The following NDRG3 variants were observed in gnomAD, a reference collection of about 807,000 sequenced individuals.
NDRG3 encodes protein NDRG3.
A neutral mutation model predicts 57.2 loss-of-function variants in NDRG3; 23 were observed. That is an observed-to-expected ratio of 0.40 (90% CI 0.29 to 0.57). The LOEUF (loss-of-function observed/expected upper bound fraction) is 0.57, where lower values mean the gene tolerates loss of function less well. Among genes scored for constraint, NDRG3 ranks in the 20% least tolerant of loss-of-function variants. NDRG3 has a pLI of 0.42. For missense variants in NDRG3, 384 were observed against 457.3 expected (o/e 0.84, Z 1.46); for synonymous variants, 132 against 162.6 (o/e 0.81, Z 1.43).
chr20:36,722,466 T>C (rs915855094), intron 1 of NDRG3, among the ~76,000 whole-genome samples: 2 of 152,218 alleles, frequency 1.3e-5, no homozygotes, highest in African/African-American at 4.8e-5. Context: ...ATTAATACAA[T>C]TAATACAATA....
intron 1 of NDRG3, among the ~76,000 whole-genome samples, chr20:36,744,971 G>T (rs906971157): frequency 1.5e-4 from 22 of 151,322 alleles, no homozygotes; most frequent in African/African-American, 4.6e-4. Flanking sequence ...AGGGTAAGGG[G>T]GGGGGGGGGC....
chr20:36,684,083 C>T (rs1981567856), intron 6 of NDRG3, among the ~76,000 whole-genome samples: 1 of 152,190 alleles, frequency 6.6e-6, no homozygotes, highest in South Asian at 2.1e-4. Flanking sequence ...TAGCCTTGAA[C>T]TGCTGTTGTT....
intron 8 of NDRG3, among the ~76,000 whole-genome samples, chr20:36,680,259 G>A (rs2148089802): frequency 6.6e-6 from 1 of 151,906 alleles, no homozygotes; most frequent in African/African-American, 2.4e-5. Flanking sequence ...GGCCGAGGCG[G>A]GTGGATCACA....
intron 3 of NDRG3, 70 bp from the exon 4 acceptor site, chr20:36,688,854 A>T: frequency 9.6e-7 from 1 of 1,040,052 alleles, no homozygotes; most frequent in East Asian, 2.4e-5. Context: ...GTTTCACAAT[A>T]CCTGCTTTAC....
At chr20:36,689,791 G>C (rs2148124033) in intron 3 of NDRG3, among the ~76,000 whole-genome samples, 1 of 150,140 alleles carries the variant, frequency 6.7e-6, no homozygotes, top group South Asian at 2.1e-4. Context: ...CGCGATCTCG[G>C]CTCACTGCAA....
intron 1 of NDRG3, among the ~76,000 whole-genome samples, chr20:36,742,727 T>G (rs1198781761): frequency 1.3e-5 from 2 of 152,206 alleles, no homozygotes; most frequent in African/African-American, 4.8e-5. Flanking sequence ...TTAGTACAGT[T>G]AAAGACAATG....
intron 2 of NDRG3, among the ~76,000 whole-genome samples, chr20:36,712,589 T>TATA (rs1600940687): frequency 2.5e-4 from 5 of 19,864 alleles, no homozygotes; most frequent in South Asian, 1.9e-3. Flanking sequence ...ATATATATAT[T>TATA]TTTTTTTTTT....
chr20:36,745,312 A>C (rs1986133835), intron 1 of NDRG3, among the ~76,000 whole-genome samples: 1 of 152,202 alleles, frequency 6.6e-6, no homozygotes, highest in East Asian at 1.9e-4. Flanking sequence ...CGACAACAAG[A>C]AAATCTTTTT....
intron 8 of NDRG3, among the ~76,000 whole-genome samples, chr20:36,673,535 A>G (rs941042855): frequency 2.0e-5 from 3 of 152,068 alleles, no homozygotes; most frequent in African/African-American, 7.2e-5. Context: ...GCTCCCGAGT[A>G]GCTGGGAACA....
intron 2 of NDRG3, among the ~76,000 whole-genome samples, chr20:36,719,341 C>T (rs1984453957): frequency 6.6e-6 from 1 of 150,734 alleles, no homozygotes; most frequent in East Asian, 2.0e-4. Context: ...GCAGGAGAAT[C>T]GCTTGAACCC....
intron 15 of NDRG3, chr20:36,654,729 G>T (rs1568618288): frequency 7.7e-6 from 6 of 776,748 alleles, no homozygotes; most frequent in Non-Finnish European, 1.4e-5. Context: ...GAAGACCGCG[G>T]ACATGCTGCA....
chr20:36,697,963 C>CTTTTTTTTT (rs1026025529), intron 3 of NDRG3, among the ~76,000 whole-genome samples: 31 of 123,054 alleles, frequency 2.5e-4, no homozygotes, highest in Non-Finnish European at 4.2e-4. Flanking sequence ...TTTCTTTTTT[C>CTTTTTTTTT]TTTTTTTTTT....
intron 2 of NDRG3, among the ~76,000 whole-genome samples, chr20:36,715,052 ATATT>A (rs566853060): frequency 1.4e-4 from 15 of 108,672 alleles, no homozygotes; most frequent in African/African-American, 3.1e-4. Context: ...ATATATATAT[ATATT>A]ATATTTAAGT....
At chr20:36,733,212 A>C in intron 1 of NDRG3, among the ~76,000 whole-genome samples, 1 of 141,370 alleles carries the variant, frequency 7.1e-6, no homozygotes, top group African/African-American at 2.6e-5. Context: ...ATGCACATAT[A>C]AATTTCTTTG....
intron 1 of NDRG3, among the ~76,000 whole-genome samples, chr20:36,727,226 T>C (rs567773814): frequency 1.3e-5 from 2 of 152,234 alleles, no homozygotes; most frequent in East Asian, 1.9e-4. Context: ...TAGATATCTT[T>C]ATTTTTTTCT....
At chr20:36,735,048 G>A (rs1985533686) in intron 1 of NDRG3, among the ~76,000 whole-genome samples, 1 of 152,144 alleles carries the variant, frequency 6.6e-6, no homozygotes, top group South Asian at 2.1e-4. Flanking sequence ...GAAAGCACAA[G>A]GTCTGCTGGA....
At chr20:36,730,119 T>C (rs1196662150) in intron 1 of NDRG3, among the ~76,000 whole-genome samples, 5 of 151,032 alleles carry the variant, frequency 3.3e-5, no homozygotes, top group Non-Finnish European at 5.9e-5. Flanking sequence ...TGATAGCACG[T>C]GCCTGTAATC....
intron 8 of NDRG3, among the ~76,000 whole-genome samples, chr20:36,674,936 C>T (rs897826770): frequency 8.2e-6 from 1 of 122,294 alleles, no homozygotes; most frequent in African/African-American, 3.1e-5. Context: ...TCTCTGTCAC[C>T]TAGTCTGGAG....
In NDRG3 at chr20:36,745,095, A is replaced by G. The variant is rs115977442; in HGVS notation, c.-49+950T>C. The stretch of plus-strand genomic sequence containing the variant: ...CCACGGGGCTCCTAGTCTACCTGTG[A>G]TAGGGAGGCCAGCTCTGCAGGAAGA... On this transcript the variant is annotated intron_variant, in intron 1 of 15. Transcript: ENST00000349004. Among the ~76,000 whole-genome samples the G allele has an allele frequency of 6.7e-3, 1,016 of 151,786 alleles. 13 individuals are homozygous for G. The highest frequency in any genetic ancestry group is 0.023 in the African/African-American group (955 of 41,360).
Sources: allele counts gnomAD v4.1 joint callset (sites outside exome capture counted in the v4.1 genomes callset), GRCh38; gene constraint gnomAD v4.1.1; transcripts MANE v1.5; gene names NCBI Gene and HGNC (gene_info 2026-07-23, HGNC 2026-07-21).